PIWIL4: variants seen among roughly 807,000 people sequenced by gnomAD.
The protein encoded by PIWIL4 is piwi-like protein 4.
In PIWIL4, 50 loss-of-function variants were observed where a neutral mutation model predicts 100.9. That is an observed-to-expected ratio of 0.50 (90% confidence interval 0.39 to 0.63). The LOEUF (loss-of-function observed/expected upper bound fraction) is 0.63. PIWIL4 is among the 20% of genes least tolerant of loss of function. The pLI, the probability that PIWIL4 is intolerant of heterozygous loss-of-function variation, is 0.00. For missense variants in PIWIL4, 887 were observed against 1,043.3 expected, an observed-to-expected ratio of 0.85 and a Z score of 2.06; for synonymous variants, 342 against 367.5, an observed-to-expected ratio of 0.93 and a Z score of 0.79.
intron 14 of PIWIL4, chr11:94,608,316 C>T: frequency 2.9e-6 from 1 of 342,996 alleles, no homozygotes; most frequent in Non-Finnish European, 5.4e-6. Context: ...GCCACTGGTG[C>T]CCCTTCCCCA....
At chr11:94,594,788 T>C (rs1948535645) in intron 9 of PIWIL4, among the ~76,000 whole-genome samples, 1 of 152,108 alleles carries the variant, frequency 6.6e-6, no homozygotes, top group Non-Finnish European at 1.5e-5. Context: ...CGCCTCGGCC[T>C]CCCAAAGCGC....
At chr11:94,615,263 A>G (rs1948833041) in intron 15 of PIWIL4, among the ~76,000 whole-genome samples, 1 of 152,156 alleles carries the variant, frequency 6.6e-6, no homozygotes, top group African/African-American at 2.4e-5. Flanking sequence ...TGGGTGAGGG[A>G]GCTGGGTACT....
chr11:94,611,583 A>T (rs1948787632), intron 15 of PIWIL4, among the ~76,000 whole-genome samples: 1 of 152,162 alleles, frequency 6.6e-6, no homozygotes, highest in Non-Finnish European at 1.5e-5. Context: ...AAAAAATGTG[A>T]TCCCCAATGT....
chr11:94,597,974 G>A (rs1319348009), intron 11 of PIWIL4, 59 bp downstream of exon 11: 2 of 1,344,018 alleles, frequency 1.5e-6, no homozygotes, highest in Admixed American at 1.7e-5. Flanking sequence ...TGTAAGTTTT[G>A]TGCATTGGCC....
intron 6 of PIWIL4, among the ~76,000 whole-genome samples, chr11:94,586,345 C>T (rs1591785082): frequency 1.3e-5 from 2 of 152,058 alleles, no homozygotes; most frequent in South Asian, 2.1e-4. Context: ...ACTTAATAGT[C>T]CACAAAATAT....
intron 4 of PIWIL4, among the ~76,000 whole-genome samples, chr11:94,582,788 T>C (rs916204554): frequency 1.3e-5 from 2 of 152,230 alleles, no homozygotes; most frequent in Non-Finnish European, 2.9e-5. Flanking sequence ...ATCAGATTTC[T>C]GATCTGTTCT....
At chr11:94,601,211 T>G (rs747978654) in intron 11 of PIWIL4, among the ~76,000 whole-genome samples, 1 of 152,052 alleles carries the variant, frequency 6.6e-6, no homozygotes, top group Non-Finnish European at 1.5e-5. Context: ...AAGACAGGCA[T>G]AAGAAATTAT....
chr11:94,601,765 C>G (rs1283088458), intron 11 of PIWIL4, 30 bp from the exon 12 acceptor site: 2 of 1,605,686 alleles, frequency 1.2e-6, no homozygotes, highest in African/African-American at 1.3e-5. Flanking sequence ...TAAATTTGTT[C>G]AATCCTTTCA....
chr11:94,599,322 G>A (rs1371912863), intron 11 of PIWIL4, among the ~76,000 whole-genome samples: 1 of 152,096 alleles, frequency 6.6e-6, no homozygotes, highest in Non-Finnish European at 1.5e-5. Context: ...AGGAGAAAGG[G>A]CATTAAAACA....
chr11:94,593,406 T>G, intron 8 of PIWIL4, 112 bp from the exon 9 acceptor site: 1 of 1,046,020 alleles, frequency 9.6e-7, no homozygotes, highest in Non-Finnish European at 1.3e-6. Context: ...AACTATGGGA[T>G]TGGTTAGATT....
In PIWIL4 at chr11:94,619,744, CCT is replaced by C. The variant is rs758604525; in HGVS notation, c.2169-11_2169-10del. 1.3e-5 allele frequency: 21 copies of C among 1,604,840 alleles called. No individual in the cohort carries two copies. Among genetic ancestry groups the C allele is most frequent in the Non-Finnish European group, 1.7e-5 (20 of 1,177,188 alleles). ...TGGATTGAGTTCTTTTCATATTTTG[CCT>C]CTCTAATTTTTAGCTCAAGACTGTC... On this transcript the variant is annotated splice_polypyrimidine_tract_variant and intron_variant, in intron 17 of 19. Transcript: ENST00000299001.
intron 9 of PIWIL4, 56 bp downstream of exon 9, chr11:94,593,697 T>C: frequency 6.3e-7 from 1 of 1,586,664 alleles, no homozygotes; most frequent in South Asian, 1.1e-5. Flanking sequence ...CCCTGATGCT[T>C]GGCAGTGGGC....
Position 94,587,135 on chromosome 11 carries a change from C to G in PIWIL4, c.802C>G (p.Leu268Val). ...LFSADVSYKV[L>V]RNETVLEFMT... ...TAGTGCTGATGTGAGTTACAAAGTCCTCCGGAATGAGACGGTTCTGGAATT... is the reference window on the plus strand; with the variant it reads ...TAGTGCTGATGTGAGTTACAAAGTCGTCCGGAATGAGACGGTTCTGGAATT... Residue 268 changes from leucine (L) to valine (V), a missense_variant, in exon 7 of 20, where the codon CTC becomes GTC. Coordinates refer to ENST00000299001, the MANE Select transcript of PIWIL4 (RefSeq NM_152431.3). 1 of 1,613,958 alleles carries G rather than the reference C, an allele frequency of 6.2e-7. No individual in the cohort carries two copies. Among genetic ancestry groups the G allele is most frequent in the South Asian group, 1.1e-5 (1 of 91,080 alleles).
At chr11:94,591,214 C>T (rs1948481232) in intron 8 of PIWIL4, among the ~76,000 whole-genome samples, 1 of 152,158 alleles carries the variant, frequency 6.6e-6, no homozygotes, top group Non-Finnish European at 1.5e-5. Flanking sequence ...TCCTATGCAC[C>T]CCATGCCTTT....
intron 4 of PIWIL4, among the ~76,000 whole-genome samples, chr11:94,581,334 C>T (rs982737245): frequency 3.9e-5 from 6 of 152,064 alleles, no homozygotes; most frequent in African/African-American, 7.2e-5. Flanking sequence ...GACACCTGAG[C>T]GAGAGTGATA....
At chr11:94,571,249 T>C (rs1948148280) in intron 2 of PIWIL4, among the ~76,000 whole-genome samples, 1 of 152,190 alleles carries the variant, frequency 6.6e-6, no homozygotes, top group African/African-American at 2.4e-5. Context: ...ACATTTTTTT[T>C]TGTTATTAGG....
At chr11:94,608,786 C>T (rs1948755209) in intron 15 of PIWIL4, 100 bp downstream of exon 15, 1 of 1,046,330 alleles carries the variant, frequency 9.6e-7, no homozygotes, top group Non-Finnish European at 1.5e-6. Context: ...GTATTATTCA[C>T]TCATTTTAAA....
chr11:94,619,473 G>A (rs558061689), intron 17 of PIWIL4, among the ~76,000 whole-genome samples: 5 of 152,250 alleles, frequency 3.3e-5, no homozygotes, highest in South Asian at 2.1e-4. Context: ...AAAATCTTTC[G>A]CAAAAGTGCC....
chr11:94,585,601 C>G, intron 6 of PIWIL4, 76 bp downstream of exon 6: 1 of 1,079,156 alleles, frequency 9.3e-7, no homozygotes, highest in Non-Finnish European at 1.4e-6. Context: ...CAATATTATA[C>G]CATTATGCCT....
Sources: allele counts gnomAD v4.1 joint callset (sites outside exome capture counted in the v4.1 genomes callset), GRCh38; gene constraint gnomAD v4.1.1; transcripts MANE v1.5; gene names NCBI Gene and HGNC (gene_info 2026-07-23, HGNC 2026-07-21).